NKAIN3: variants seen among roughly 807,000 people sequenced by gnomAD.
NKAIN3 encodes sodium/potassium-transporting ATPase subunit beta-1-interacting protein 3.
Under a neutral mutation model 30.2 loss-of-function variants are expected in NKAIN3, and 25 were observed. The ratio of observed to expected loss-of-function variants is 0.83; its 90% CI spans 0.60 to 1.16. The LOEUF is 1.16. Ranked by LOEUF, NKAIN3 falls within the 50% of genes most tolerant of loss-of-function variation. The probability of loss-of-function intolerance (pLI) is 0.00; values close to 1 mark genes in which losing one functional copy is unlikely to be tolerated. For synonymous variants in NKAIN3, 91 were observed against 89.6 expected (o/e 1.02, Z -0.09); for missense variants, 225 against 254.1 (o/e 0.89, Z 0.78).
chr8:62,401,488 T>C (rs1442241296), intron 1 of NKAIN3, among the ~76,000 whole-genome samples: 1 of 152,214 alleles, frequency 6.6e-6, no homozygotes, highest in Non-Finnish European at 1.5e-5. Flanking sequence ...TTGATGCTTA[T>C]GGATGTTTAT....
chr8:62,263,937 A>G (rs1289314313), intron 1 of NKAIN3, among the ~76,000 whole-genome samples: 1 of 152,234 alleles, frequency 6.6e-6, no homozygotes, highest in Non-Finnish European at 1.5e-5. Flanking sequence ...AACTACAGAC[A>G]AAAGATGAAT....
intron 1 of NKAIN3, among the ~76,000 whole-genome samples, chr8:62,531,570 A>C (rs543882386): frequency 4.6e-5 from 7 of 152,246 alleles, no homozygotes; most frequent in African/African-American, 1.7e-4. Flanking sequence ...AGCTAATCAC[A>C]TGTCAGTTTT....
chr8:62,444,393 C>T (rs1805420996), intron 1 of NKAIN3, among the ~76,000 whole-genome samples: 1 of 152,058 alleles, frequency 6.6e-6, no homozygotes, highest in Non-Finnish European at 1.5e-5. Flanking sequence ...CTCTTTATCC[C>T]TCCTCCCCAC....
chr8:62,682,762 C>T lies in NKAIN3; in HGVS notation c.274-64170C>T, dbSNP rs934032496. 3.3e-5 allele frequency among the ~76,000 whole-genome samples: 5 copies of T among 152,186 alleles called. No homozygotes were observed. The South Asian group carries it at 1.0e-3, about 32-fold the overall frequency. On this transcript the variant is annotated intron_variant, in intron 3 of 6. Coordinates refer to ENST00000623646, the MANE Select transcript of NKAIN3 (RefSeq NM_001304533.3). ...ATTACACAGCAGAGGCAGCCATAAT[C>T]TTCCTGGGAACATAACTCCATTGAC... is the stretch of plus-strand genomic sequence containing the variant.
intron 3 of NKAIN3, among the ~76,000 whole-genome samples, chr8:62,702,101 G>T (rs987407530): frequency 6.6e-6 from 1 of 152,120 alleles, no homozygotes; most frequent in Non-Finnish European, 1.5e-5. Context: ...ATTATAGATC[G>T]TTCCCACAGT....
intron 3 of NKAIN3, among the ~76,000 whole-genome samples, chr8:62,679,067 C>A (rs1376876296): frequency 6.6e-6 from 1 of 152,148 alleles, no homozygotes; most frequent in Non-Finnish European, 1.5e-5. Context: ...CAGATTGGGA[C>A]TGACAAGTTT....
chr8:62,631,905 G>C (rs1811974302), intron 3 of NKAIN3, among the ~76,000 whole-genome samples: 1 of 152,208 alleles, frequency 6.6e-6, no homozygotes, highest in Non-Finnish European at 1.5e-5. Flanking sequence ...GGTGAGTACA[G>C]TGTCTTATCG....
intron 1 of NKAIN3, among the ~76,000 whole-genome samples, chr8:62,297,682 G>A (rs966620246): frequency 3.3e-5 from 5 of 151,958 alleles, no homozygotes; most frequent in African/African-American, 1.2e-4. Flanking sequence ...AACAGGTGCT[G>A]GAGAGGATGT....
chr8:62,794,499 A>G (rs920611648), intron 4 of NKAIN3, among the ~76,000 whole-genome samples: 4 of 151,942 alleles, frequency 2.6e-5, no homozygotes, highest in African/African-American at 9.7e-5. Flanking sequence ...CCACCCCCCC[A>G]CCAAATCTAC....
At chr8:62,426,048 CT>C (rs1243161733) in intron 1 of NKAIN3, among the ~76,000 whole-genome samples, 2 of 151,930 alleles carry the variant, frequency 1.3e-5, no homozygotes, top group Non-Finnish European at 2.9e-5. Context: ...GTTTTTCACA[CT>C]CTTCAAAAAT....
At chr8:62,940,258 A>C (rs1432945472) in intron 5 of NKAIN3, among the ~76,000 whole-genome samples, 1 of 152,170 alleles carries the variant, frequency 6.6e-6, no homozygotes, top group Admixed American at 6.5e-5. Flanking sequence ...GAGCTCCCAA[A>C]TTTGTAAAAT....
At chr8:62,399,781 G>T (rs1001823004) in intron 1 of NKAIN3, among the ~76,000 whole-genome samples, 8 of 152,178 alleles carry the variant, frequency 5.3e-5, no homozygotes, top group Non-Finnish European at 1.2e-4. Context: ...CCAGCTTTCA[G>T]TAAGTTCCAG....
chr8:62,950,145 G>C (rs575141331), intron 5 of NKAIN3, among the ~76,000 whole-genome samples: 1 of 152,232 alleles, frequency 6.6e-6, no homozygotes, highest in Admixed American at 6.5e-5. Flanking sequence ...CTTTCCTAAT[G>C]AGTTATTTTT....
chr8:62,827,192 C>T (rs1213482250), intron 4 of NKAIN3, among the ~76,000 whole-genome samples: 1 of 152,122 alleles, frequency 6.6e-6, no homozygotes, highest in Non-Finnish European at 1.5e-5. Flanking sequence ...GAATTGTACC[C>T]ATGCTATAAA....
intron 1 of NKAIN3, among the ~76,000 whole-genome samples, chr8:62,414,117 C>T (rs1197105963): frequency 6.6e-6 from 1 of 152,090 alleles, no homozygotes; most frequent in Non-Finnish European, 1.5e-5. Context: ...AAAATTAAGC[C>T]ACCTGAATAC....
At chr8:62,618,856 A>T (rs1038830942) in intron 3 of NKAIN3, among the ~76,000 whole-genome samples, 1 of 152,134 alleles carries the variant, frequency 6.6e-6, no homozygotes, top group African/African-American at 2.4e-5. Context: ...CAGTGAGCTG[A>T]GATCGCGCCA....
chr8:62,661,439 C>T (rs953001047), intron 3 of NKAIN3, among the ~76,000 whole-genome samples: 1 of 152,208 alleles, frequency 6.6e-6, no homozygotes, highest in Non-Finnish European at 1.5e-5. Context: ...TTAATTTTCT[C>T]TAGCTGTTTG....
At chr8:62,602,954 C>T (rs555215181) in intron 3 of NKAIN3, among the ~76,000 whole-genome samples, 2 of 152,042 alleles carry the variant, frequency 1.3e-5, no homozygotes, top group Admixed American at 6.6e-5. Context: ...TGAATTTTCA[C>T]GTAAGCATCA....
At chr8:62,316,534 T>C (rs1403404195) in intron 1 of NKAIN3, among the ~76,000 whole-genome samples, 1 of 151,932 alleles carries the variant, frequency 6.6e-6, no homozygotes, top group East Asian at 1.9e-4. Context: ...TGGGGTTTGG[T>C]TTTTTGTCCT....
Sources: gnomAD v4.1 joint callset for allele counts (sites outside exome capture counted in the v4.1 genomes callset) on GRCh38, gnomAD v4.1.1 for gene constraint, MANE v1.5 for transcripts, NCBI Gene and HGNC (gene_info 2026-07-23, HGNC 2026-07-21) for gene names.